The following MAP4K3 variants were observed in gnomAD, a reference collection of about 807,000 sequenced individuals.
MAP4K3 encodes the protein MAPK/ERK kinase kinase kinase 3.
In MAP4K3, 94 loss-of-function variants were observed where a neutral mutation model predicts 143.5. The ratio of observed to expected loss-of-function variants is 0.65; its 90% confidence interval spans 0.55 to 0.78. The LOEUF is 0.78. Ranked by LOEUF, MAP4K3 falls within the 30% of genes least tolerant of loss-of-function variation. The probability of loss-of-function intolerance (pLI) is 0.00; values close to 1 mark genes in which losing one functional copy is unlikely to be tolerated. For synonymous variants in MAP4K3, 416 were observed against 347.2 expected (o/e 1.20, Z -2.20); for missense variants, 1,077 against 1,068.1 (o/e 1.01, Z -0.12).
chr2:39,301,632 TA>T (rs1188129436), intron 15 of MAP4K3, among the ~76,000 whole-genome samples: 3 of 152,062 alleles, frequency 2.0e-5, no homozygotes, highest in Non-Finnish European at 4.4e-5. Context: ...AGATGTGTCA[TA>T]AAAATACTCA....
chr2:39,362,516 G>C (rs1665798454), intron 2 of MAP4K3, among the ~76,000 whole-genome samples: 1 of 152,224 alleles, frequency 6.6e-6, no homozygotes, highest in East Asian at 1.9e-4. Flanking sequence ...CCAAGGAGGA[G>C]GAAGACCTGT....
Position 39,365,514 on chromosome 2 carries a change from G to A in MAP4K3, c.155-9175C>T, listed in dbSNP as rs556627038. ...CTGCGGACTGCAGTGGCGCAATCTC[G>A]GCTCACTGCAAGCTCCGCTTCCCGG... is the stretch of plus-strand genomic sequence containing the variant. On this transcript the variant is annotated intron_variant, in intron 2 of 33. Transcript: ENST00000263881. Among the ~76,000 whole-genome samples, 834 of 139,380 alleles carry A rather than the reference G, an allele frequency of 6.0e-3. 4 individuals carry two copies. Among genetic ancestry groups the A allele is most frequent in the Non-Finnish European group, 9.8e-3 (650 of 66,468 alleles). The allele number at this position is 139,380 out of a possible 152,430, so 91.4% of individuals were successfully genotyped here. A position where few individuals can be genotyped will look rare whatever the true frequency, so the allele number is the denominator to read the frequency against.
intron 21 of MAP4K3, chr2:39,283,904 A>C (rs1681650749): frequency 6.6e-6 from 1 of 152,218 alleles, no homozygotes; most frequent in Non-Finnish European, 1.5e-5. Context: ...ATACATCAGA[A>C]TCACTTAAAC....
chr2:39,283,853 C>G lies in MAP4K3; in HGVS notation c.1588-1299G>C, dbSNP rs535424313. ...CTTTCAAGGTTAATCTCAGTAACAT[C>G]ATTTTAAGGAATGACATTCTAATTT... On this transcript the variant is annotated intron_variant, in intron 21 of 33. Transcript: ENST00000263881. 2.8e-3 allele frequency: 425 copies of G among 152,260 alleles called. 5 individuals carry two copies. The highest frequency in any genetic ancestry group is 9.5e-3 in the African/African-American group (394 of 41,552). The allele number at this position is 152,260 out of a possible 1,614,324, so 9.4% of individuals were successfully genotyped here.
chr2:39,274,972 G>GAA (rs1296596152), intron 24 of MAP4K3, among the ~76,000 whole-genome samples: 14 of 152,240 alleles, frequency 9.2e-5, no homozygotes, highest in Non-Finnish European at 1.6e-4. Context: ...AAAGTCTAGA[G>GAA]AAAATCAACC....
chr2:39,387,661 G>A (rs1313691752), intron 1 of MAP4K3, among the ~76,000 whole-genome samples: 1 of 152,152 alleles, frequency 6.6e-6, no homozygotes, highest in Non-Finnish European at 1.5e-5. Context: ...GCAATGAAGA[G>A]ACAATCAATA....
At chr2:39,270,904 T>C (rs1680992259) in intron 26 of MAP4K3, among the ~76,000 whole-genome samples, 1 of 152,122 alleles carries the variant, frequency 6.6e-6, no homozygotes, top group Non-Finnish European at 1.5e-5. Flanking sequence ...GATTTTACAG[T>C]AATTACTAGA....
Position 39,437,263 on chromosome 2 carries a change from G to A in MAP4K3, c.-276C>T. On this transcript the variant is annotated 5_prime_UTR_variant, in exon 1 of 34. Coordinates refer to ENST00000263881, the MANE Select transcript of MAP4K3 (RefSeq NM_003618.4). ...AGAACCCTCGCAGCCCCTCGCTCGG[G>A]GTGAAACTCCAACATGGCTTCCGCT... The A allele has an allele frequency of 3.9e-6, 1 of 254,108 alleles. No individual in the cohort carries two copies. The highest frequency in any genetic ancestry group is 7.5e-5 in the East Asian group (1 of 13,390). 15.7% of individuals were successfully genotyped at this position (254,108 alleles called of 1,614,324 possible).
At chr2:39,424,830 C>CAA (rs58960920) in intron 1 of MAP4K3, among the ~76,000 whole-genome samples, 2,446 of 67,924 alleles carry the variant, frequency 0.036, 218 homozygotes, top group African/African-American at 0.13. Flanking sequence ...TAACCTGACT[C>CAA]AAAAAAAAAA....
At chr2:39,417,169 G>A (rs1430411538) in intron 1 of MAP4K3, among the ~76,000 whole-genome samples, 1 of 151,476 alleles carries the variant, frequency 6.6e-6, no homozygotes, top group Non-Finnish European at 1.5e-5. Context: ...CTGAGATTGA[G>A]CAAATTCATA....
chr2:39,405,721 A>G (rs1328571659), intron 1 of MAP4K3, among the ~76,000 whole-genome samples: 1 of 152,090 alleles, frequency 6.6e-6, no homozygotes, highest in Non-Finnish European at 1.5e-5. Flanking sequence ...TACAAACATT[A>G]GCCAGCTGCA....
intron 1 of MAP4K3, among the ~76,000 whole-genome samples, chr2:39,417,500 G>A (rs1205690194): frequency 6.6e-6 from 1 of 151,840 alleles, no homozygotes; most frequent in South Asian, 2.1e-4. Context: ...TTACAGGCGT[G>A]AGCCACCGCA....
intron 2 of MAP4K3, 22 bp downstream of exon 2, chr2:39,378,044 A>C: frequency 7.0e-7 from 1 of 1,426,814 alleles, no homozygotes; most frequent in Non-Finnish European, 9.8e-7. Context: ...CAGTAAGAAA[A>C]AATGAATTTC....
At chr2:39,295,876 G>C in intron 16 of MAP4K3, among the ~76,000 whole-genome samples, 1 of 151,920 alleles carries the variant, frequency 6.6e-6, no homozygotes, top group African/African-American at 2.4e-5. Context: ...GCACCACCAT[G>C]CCCGGCTAAT....
chr2:39,365,388 G>T (rs1289020352), intron 2 of MAP4K3, among the ~76,000 whole-genome samples: 1 of 150,724 alleles, frequency 6.6e-6, no homozygotes, highest in African/African-American at 2.4e-5. Flanking sequence ...CCATCAGTCG[G>T]TTGGGGGGCT....
rs1558613599 is a variant in MAP4K3, at chr2:39,272,548, T to C, written c.1795-6A>G. ...GTACACCTTCGAGGGAATAGCTGAT[T>C]AAAAAAAGGCACAAAGTTTACAAAG... On this transcript the variant is annotated splice_polypyrimidine_tract_variant and splice_region_variant and intron_variant, in intron 24 of 33. Transcript: ENST00000263881. 6.2e-7 allele frequency: 1 copy of C among 1,611,678 alleles called. No homozygotes were observed. The highest frequency in any genetic ancestry group is 8.5e-7 in the Non-Finnish European group (1 of 1,178,412).
Position 39,436,984 on chromosome 2 carries a change from T to C in MAP4K3, c.4A>G (p.Asn2Asp), listed in dbSNP as rs1233437819. 40 of 1,610,580 alleles carry C rather than the reference T, an allele frequency of 2.5e-5. No homozygotes were observed. Among genetic ancestry groups the C allele is most frequent in the Non-Finnish European group, 3.3e-5 (39 of 1,178,612 alleles). Reference sequence around the variant, plus strand: ...CGGCGGGACAAATCGAAGCCGGGGTTCATGGCGGGCCCCAGGTGCCCCCCG... The same window carrying C: ...CGGCGGGACAAATCGAAGCCGGGGTCCATGGCGGGCCCCAGGTGCCCCCCG... Reference protein sequence around the residue: MNPGFDLSRRNP... With the variant: MDPGFDLSRRNP... Residue 2 changes from asparagine (N) to aspartate (D), a missense_variant, in exon 1 of 34, where the codon AAC (asparagine) becomes GAC (aspartate). Transcript: ENST00000263881.
At chr2:39,309,280 C>T (rs543869483) in intron 14 of MAP4K3, among the ~76,000 whole-genome samples, 181 bp downstream of exon 14, 1 of 152,128 alleles carries the variant, frequency 6.6e-6, no homozygotes, top group Non-Finnish European at 1.5e-5. Context: ...CACACTGCCA[C>T]GTCAACTAAG....
chr2:39,257,527 G>A (rs1573059872), intron 31 of MAP4K3, among the ~76,000 whole-genome samples: 3 of 152,214 alleles, frequency 2.0e-5, no homozygotes, highest in South Asian at 4.1e-4. Context: ...AAGGCCAGGC[G>A]CGGTGGCTCA....
Sources: allele counts gnomAD v4.1 joint callset (sites outside exome capture counted in the v4.1 genomes callset), GRCh38; gene constraint gnomAD v4.1.1; transcripts MANE v1.5; gene names NCBI Gene and HGNC (gene_info 2026-07-23, HGNC 2026-07-21).